FBXW8: variants seen among roughly 807,000 people sequenced by gnomAD.
FBXW8 encodes the protein F-box and WD repeat domain containing 8.
A neutral mutation model predicts 65.3 loss-of-function variants in FBXW8; 57 were observed. That is an observed-to-expected ratio of 0.87 (90% confidence interval 0.71 to 1.09). The LOEUF is 1.09. Ranked by LOEUF, FBXW8 falls within the 50% of genes least tolerant of loss-of-function variation. The pLI is 0.00. For synonymous variants in FBXW8, 308 were observed against 330.2 expected (o/e 0.93, Z 0.73); for missense variants, 777 against 814.8 (o/e 0.95, Z 0.57).
rs1882203833 is a variant in FBXW8 at position 116,936,935 on chromosome 12, A to G, written c.424-8429A>G. Among the ~76,000 whole-genome samples, 1 of 152,116 alleles carries G rather than the reference A, an allele frequency of 6.6e-6. No homozygotes were observed. Among genetic ancestry groups the G allele is most frequent in the Admixed American group, 6.5e-5 (1 of 15,276 alleles). ...GCTGCCCTACGTTTAAAAAGGGACC[A>G]TTTGGGCTGCTGTGTGGAGAATCGG... On this transcript the variant is annotated intron_variant, in intron 2 of 10. Transcript: ENST00000652555. This position sits in a 1 kb window ranked among gnomAD's most constrained non-coding sequence, Gnocchi z 4.6.
rs772891707 is a variant in FBXW8, at chr12:117,029,923, A to G, written c.*1751A>G. The stretch of plus-strand genomic sequence containing the variant: ...ACTGTACCCAGCCCAAAAGCAGTTT[A>G]AAAAAAAAAAAGACAAAATATACAA... On this transcript the variant is annotated 3_prime_UTR_variant, in exon 11 of 11. Transcript: ENST00000652555. 1 of 143,958 alleles carries G rather than the reference A, an allele frequency of 6.9e-6. No homozygotes were observed. Among genetic ancestry groups the G allele is most frequent in the Non-Finnish European group, 1.5e-5 (1 of 65,514 alleles). The allele number at this position is 143,958 out of a possible 1,614,324, so 8.9% of individuals were successfully genotyped here. A position where few individuals can be genotyped will look rare whatever the true frequency, so the allele number is the denominator to read the frequency against.
intron 8 of FBXW8, among the ~76,000 whole-genome samples, chr12:117,016,642 GTTT>G (rs59614258): frequency 2.9e-5 from 4 of 138,424 alleles, no homozygotes; most frequent in East Asian, 4.1e-4. Flanking sequence ...TATTTGTCTG[GTTT>G]TTTTTTTTTT....
intron 7 of FBXW8, among the ~76,000 whole-genome samples, chr12:116,998,459 G>A (rs902995645): frequency 6.6e-6 from 1 of 152,200 alleles, no homozygotes; most frequent in African/African-American, 2.4e-5. Flanking sequence ...ATTAAGCTTA[G>A]AATGTTATTT....
At chr12:116,939,479 C>A (rs2137331626) in intron 2 of FBXW8, among the ~76,000 whole-genome samples, 1 of 152,286 alleles carries the variant, frequency 6.6e-6, no homozygotes, top group East Asian at 1.9e-4. Flanking sequence ...AGCGTGGAAT[C>A]CTTTTCTAAG....
intron 4 of FBXW8, among the ~76,000 whole-genome samples, 165 bp from the exon 5 acceptor site, chr12:116,964,532 T>C (rs1352975680): frequency 6.6e-6 from 1 of 152,214 alleles, no homozygotes; most frequent in Non-Finnish European, 1.5e-5. Context: ...TGTCATCTAG[T>C]TGACATTTTC....
intron 5 of FBXW8, chr12:116,978,294 CTT>C (rs1451410331): frequency 6.6e-6 from 1 of 152,210 alleles, no homozygotes; most frequent in East Asian, 1.9e-4. Flanking sequence ...AGAGCAAAAA[CTT>C]TTGTCCTGTC....
At chr12:116,952,681 A>G (rs1883365027) in intron 4 of FBXW8, among the ~76,000 whole-genome samples, 1 of 152,228 alleles carries the variant, frequency 6.6e-6, no homozygotes, top group Non-Finnish European at 1.5e-5. Flanking sequence ...TTAACTTTAC[A>G]GCCATCTACT....
At position 116,961,170 on chromosome 12, in the gene FBXW8, AT is replaced by A. The variant is rs1182231118; in HGVS notation, c.678-3522del. Among the ~76,000 whole-genome samples, 3 of 152,080 alleles carry A rather than the reference AT, an allele frequency of 2.0e-5. No individual in the cohort carries two copies. The highest frequency in any genetic ancestry group is 4.4e-5 in the Non-Finnish European group (3 of 68,004). ...ACCACCACACCTGGCTAATTTTTGCATTTTTAGTAGAGACGAGGTTTCACCC... is the reference window on the plus strand; with the variant it reads ...ACCACCACACCTGGCTAATTTTTGCATTTTAGTAGAGACGAGGTTTCACCC... On this transcript the variant is annotated intron_variant, in intron 4 of 10. Transcript: ENST00000652555. The surrounding 1 kb of genome is among the most constrained non-coding windows in gnomAD (Gnocchi z 4.4).
rs576076851 is a variant in FBXW8, at chr12:116,985,254, G to A, written c.884G>A (p.Arg295His). 11 of 1,613,794 alleles carry A rather than the reference G, an allele frequency of 6.8e-6. No homozygotes were observed. The East Asian group carries it at 1.1e-4, about 16-fold the overall frequency. Residue 295 changes from arginine (R) to histidine (H), a missense_variant, in exon 6 of 11, where the codon CGT (arginine) becomes CAT (histidine). Physicochemically the swap from Arg to His is conservative, Grantham distance 29. Coordinates refer to ENST00000652555, the MANE Select transcript of FBXW8 (RefSeq NM_153348.3). ...AGGACCGGAAAGTACCCTGTTCATC[G>A]TTTTGAGCACGATGCAAGAATACAG... is the stretch of plus-strand genomic sequence containing the variant. ...DLRTGKYPVH[R>H]FEHDARIQAL...
At chr12:117,013,688 A>T (rs1318025612) in intron 8 of FBXW8, among the ~76,000 whole-genome samples, 1 of 152,188 alleles carries the variant, frequency 6.6e-6, no homozygotes, top group African/African-American at 2.4e-5. Flanking sequence ...CAGCATTTTT[A>T]AAAGTTACAC....
intron 10 of FBXW8, 85 bp from the exon 11 acceptor site, chr12:117,027,943 G>C: frequency 6.4e-7 from 1 of 1,564,420 alleles, no homozygotes; most frequent in Non-Finnish European, 8.7e-7. Context: ...GGTCTCAGGC[G>C]AACGCCTCCT....
intron 1 of FBXW8, among the ~76,000 whole-genome samples, chr12:116,918,174 A>G (rs1880596419): frequency 6.6e-6 from 1 of 152,156 alleles, no homozygotes; most frequent in Non-Finnish European, 1.5e-5. Context: ...CCCTGGTCAG[A>G]ATTTCAGAGG....
At chr12:116,918,205 GTCTTC>G (rs373892193) in intron 1 of FBXW8, among the ~76,000 whole-genome samples, 195 of 152,280 alleles carry the variant, frequency 1.3e-3, no homozygotes, top group Middle Eastern at 6.8e-3. Flanking sequence ...TTTCTCTGTT[GTCTTC>G]TCTTCTCCTC....
At chr12:117,025,489 G>A (rs1454272325) in intron 9 of FBXW8, among the ~76,000 whole-genome samples, 1 of 152,192 alleles carries the variant, frequency 6.6e-6, no homozygotes, top group African/African-American at 2.4e-5. Context: ...TCTGAGCAGC[G>A]ACATGGTCTT....
chr12:117,010,053 C>A (rs926427531), intron 7 of FBXW8, among the ~76,000 whole-genome samples: 2 of 152,208 alleles, frequency 1.3e-5, no homozygotes, highest in Non-Finnish European at 2.9e-5. Context: ...CCTGATTTCC[C>A]TGCGTTTTCC....
chr12:116,944,908 G>A (rs1882831276), intron 2 of FBXW8, among the ~76,000 whole-genome samples: 1 of 152,148 alleles, frequency 6.6e-6, no homozygotes, highest in Admixed American at 6.5e-5. Flanking sequence ...TACCTGACCA[G>A]ATGTTTGGGT....
chr12:116,989,501 C>T (rs750272709), intron 7 of FBXW8, among the ~76,000 whole-genome samples: 3 of 152,164 alleles, frequency 2.0e-5, no homozygotes, highest in African/African-American at 4.8e-5. Context: ...ACATTCTTAC[C>T]AACAGTGCAT....
Position 116,974,059 on chromosome 12 carries a change from C to T in FBXW8, c.835+9205C>T, listed in dbSNP as rs59263071. ...GAGGCCCACAGTTACACCAGCTCACCAGCTGGAAACTCCAAACAAGGAGGG... is the reference window on the plus strand; with the variant it reads ...GAGGCCCACAGTTACACCAGCTCACTAGCTGGAAACTCCAAACAAGGAGGG... On this transcript the variant is annotated intron_variant, in intron 5 of 10. Coordinates refer to ENST00000652555, the MANE Select transcript of FBXW8 (RefSeq NM_153348.3). 6.5e-3 allele frequency among the ~76,000 whole-genome samples: 997 copies of T among 152,304 alleles called. 6 individuals carry two copies. Among genetic ancestry groups the T allele is most frequent in the African/African-American group, 0.023 (936 of 41,562 alleles).
intron 8 of FBXW8, among the ~76,000 whole-genome samples, chr12:117,023,460 G>A (rs542643472): frequency 3.9e-4 from 60 of 152,226 alleles, no homozygotes; most frequent in African/African-American, 1.2e-3. Context: ...TAGTGGATAC[G>A]AGATTTCTGT....
Sources: gnomAD v4.1 joint callset for allele counts (sites outside exome capture counted in the v4.1 genomes callset) on GRCh38, gnomAD v4.1.1 for gene constraint, Gnocchi (gnomAD v3.1) non-coding constraint, MANE v1.5 for transcripts, NCBI Gene and HGNC (gene_info 2026-07-23, HGNC 2026-07-21) for gene names.